The following NKD2 variants were observed in gnomAD, a reference collection of about 807,000 sequenced individuals.
NKD2 encodes the protein protein naked cuticle homolog 2.
Under a neutral mutation model 34.8 loss-of-function variants are expected in NKD2, and 43 were observed. The observed-to-expected ratio is 1.24, with a 90% CI of 0.97 to 1.60. The LOEUF (loss-of-function observed/expected upper bound fraction) is 1.60. Among genes scored for constraint, NKD2 ranks in the 40% most tolerant of loss-of-function variants. The probability of loss-of-function intolerance (pLI) is 0.00; values close to 1 mark genes in which losing one functional copy is unlikely to be tolerated. For missense variants in NKD2, 675 were observed against 627.1 expected, an observed-to-expected ratio of 1.08 and a Z score of -0.82; for synonymous variants, 278 against 265.1, an observed-to-expected ratio of 1.05 and a Z score of -0.47.
intron 3 of NKD2, among the ~76,000 whole-genome samples, chr5:1,029,611 T>C (rs908761259): frequency 3.3e-5 from 5 of 152,234 alleles, no homozygotes; most frequent in Non-Finnish European, 7.3e-5. Flanking sequence ...ACATTTTCAC[T>C]GTATTAGCTT....
At chr5:1,037,661 C>G (rs1406135068) in intron 9 of NKD2, 144 bp from the exon 10 acceptor site, 1 of 1,536,010 alleles carries the variant, frequency 6.5e-7, no homozygotes, top group Non-Finnish European at 8.7e-7. Flanking sequence ...GGGCTGGTGG[C>G]CGTCTGACTG....
intron 9 of NKD2, chr5:1,037,009 ATGGCGG>A (rs1734008363): frequency 3.6e-5 from 12 of 332,004 alleles, no homozygotes; most frequent in Non-Finnish European, 6.2e-5. Flanking sequence ...GGCAGTGTGG[ATGGCGG>A]GCAATGTGGA....
At chr5:1,034,705 G>A (rs371380775) in intron 6 of NKD2, 51 bp from the exon 7 acceptor site, 89 of 1,575,256 alleles carry the variant, frequency 5.6e-5, no homozygotes, top group Non-Finnish European at 7.3e-5. Context: ...GGGAGGGCGG[G>A]TGGTGTCCCC....
chr5:1,037,480 C>A, intron 9 of NKD2: 2 of 1,521,910 alleles, frequency 1.3e-6, no homozygotes, highest in East Asian at 4.9e-5. Context: ...GGGCGCCCTC[C>A]CTGATATAAC....
intron 3 of NKD2, among the ~76,000 whole-genome samples, chr5:1,031,577 CCTT>C (rs1329735284): frequency 2.6e-5 from 4 of 152,236 alleles, no homozygotes; most frequent in Admixed American, 6.5e-5. Flanking sequence ...AGGTCTGTCT[CCTT>C]CTCTGTGTCC....
At chr5:1,034,941 A>G (rs774346669) in intron 7 of NKD2, 38 bp downstream of exon 7, 45 of 1,569,352 alleles carry the variant, frequency 2.9e-5, no homozygotes, top group South Asian at 1.9e-4. Flanking sequence ...GACCCTACCC[A>G]ACATTGGCAG....
At chr5:1,020,608 G>A (rs1223493718) in intron 3 of NKD2, among the ~76,000 whole-genome samples, 1 of 152,066 alleles carries the variant, frequency 6.6e-6, no homozygotes, top group African/African-American at 2.4e-5. Context: ...CCAAGCGTGG[G>A]GAGAGGGAAG....
At chr5:1,034,969 G>T in intron 7 of NKD2, 66 bp downstream of exon 7, 2 of 1,450,066 alleles carry the variant, frequency 1.4e-6, no homozygotes, top group Non-Finnish European at 1.9e-6. Context: ...AGCTGTGTGC[G>T]CGGGACAGGG....
chr5:1,025,798 C>T, intron 3 of NKD2, among the ~76,000 whole-genome samples: 1 of 107,744 alleles, frequency 9.3e-6, no homozygotes, highest in Non-Finnish European at 2.0e-5. Flanking sequence ...GGTGCCCCAG[C>T]CCATTGTCCC....
In NKD2 at chr5:1,009,655, G is replaced by T; in HGVS notation, c.141+95G>T. ...GTTCCTGGTGCCCGCCCGCGGACAG[G>T]CGAGACGTGGGCCGCCATGGCCGCA... On this transcript the variant is annotated intron_variant, in intron 3 of 9. Coordinates refer to ENST00000296849, the MANE Select transcript of NKD2 (RefSeq NM_033120.4). This position sits in a 1 kb window ranked among gnomAD's most constrained non-coding sequence, Gnocchi z 6.9. 9.4e-7 allele frequency: 1 copy of T among 1,069,256 alleles called. No individual in the cohort carries two copies. Among genetic ancestry groups the T allele is most frequent in the Non-Finnish European group, 1.2e-6 (1 of 802,468 alleles). The allele number at this position is 1,069,256 out of a possible 1,614,324, so 66.2% of individuals were successfully genotyped here.
At chr5:1,010,067 G>A (rs1755691385) in intron 3 of NKD2, among the ~76,000 whole-genome samples, 1 of 152,204 alleles carries the variant, frequency 6.6e-6, no homozygotes, top group African/African-American at 2.4e-5. Flanking sequence ...GTGACCACAG[G>A]CCTGCTAGAG....
intron 3 of NKD2, among the ~76,000 whole-genome samples, chr5:1,014,761 G>C (rs537814118): frequency 6.6e-6 from 1 of 152,338 alleles, no homozygotes; most frequent in South Asian, 2.1e-4. Flanking sequence ...CTCCACCCCC[G>C]CTTTGCGGCC....
Position 1,034,871 on chromosome 5 carries a change from G to A in NKD2, c.542G>A (p.Ser181Asn). 6.2e-7 allele frequency: 1 copy of A among 1,612,278 alleles called. No individual in the cohort carries two copies. Among genetic ancestry groups the A allele is most frequent in the Non-Finnish European group, 8.5e-7 (1 of 1,179,662 alleles). Residue 181 changes from serine to asparagine, a missense_variant, in exon 7 of 10, where the codon AGC becomes AAC. Coordinates refer to ENST00000296849, the MANE Select transcript of NKD2 (RefSeq NM_033120.4). ...VKLTVSPEPS[S>N]KRKEGPPAGQ... ...CTAACCGTCAGCCCTGAGCCCTCCA[G>A]CAAGAGGAAGGAGGGTCCTCCTGCT...
intron 3 of NKD2, 118 bp from the exon 4 acceptor site, chr5:1,032,034 C>A: frequency 1.3e-6 from 1 of 754,200 alleles, no homozygotes; most frequent in Non-Finnish European, 2.3e-6. Context: ...GAGATTGAGA[C>A]GCCCCAGGAG....
In NKD2 at chr5:1,033,374, G is replaced by T; in HGVS notation, c.205G>T (p.Ala69Ser). 6.3e-7 allele frequency: 1 copy of T among 1,597,112 alleles called. No individual in the cohort carries two copies. The highest frequency in any genetic ancestry group is 8.5e-7 in the Non-Finnish European group (1 of 1,172,542). Reference protein sequence around the residue: ...FREDQCPLQVALPAEKAEGRE... With the variant: ...FREDQCPLQVSLPAEKAEGRE... ...TTCGCCTCCTCTTGTCCCCCTAGTG[G>T]CACTCCCCGCTGAGAAAGCTGAGGG... Residue 69 changes from alanine (A) to serine (S), a missense_variant and splice_region_variant, in exon 5 of 10, where the codon GCA (alanine) becomes TCA (serine). Transcript: ENST00000296849.
intron 4 of NKD2, 147 bp from the exon 5 acceptor site, chr5:1,033,225 G>T (rs941782366): frequency 2.5e-6 from 2 of 789,080 alleles, no homozygotes; most frequent in South Asian, 4.0e-5. Context: ...CCTCCCCTCC[G>T]CAGGGGTCCC....
chr5:1,030,299 G>A lies in NKD2; in HGVS notation c.142-1853G>A, dbSNP rs556232773. Reference sequence around the variant, plus strand: ...GCATTGGTGGCCTTGGCCCCCCTCCGCAGTGGCAGTGCCTGCATCCCTCAG... The same window carrying A: ...GCATTGGTGGCCTTGGCCCCCCTCCACAGTGGCAGTGCCTGCATCCCTCAG... On this transcript the variant is annotated intron_variant, in intron 3 of 9. Transcript: ENST00000296849. 5.7e-3 allele frequency among the ~76,000 whole-genome samples: 865 copies of A among 151,264 alleles called. 7 individuals are homozygous for A. Among genetic ancestry groups the A allele is most frequent in the Middle Eastern group, 0.014 (4 of 290 alleles).
chr5:1,033,448 A>G lies in NKD2; in HGVS notation c.279A>G (p.Ala93=). Residue 93 remains alanine (A), a synonymous_variant, in exon 5 of 10, where the codon GCA becomes GCG. Coordinates refer to ENST00000296849, the MANE Select transcript of NKD2 (RefSeq NM_033120.4). ...TCAGCGCAGATGACGGAGAGAGGGC[A>G]GCAAACCGCGAGGGCCCGCGAGGAC... ...QLLSADDGER[A]ANREGPRGPG... 6.4e-7 allele frequency: 1 copy of G among 1,569,876 alleles called. No homozygotes were observed. The highest frequency in any genetic ancestry group is 1.2e-5 in the South Asian group (1 of 85,410).
chr5:1,036,508 C>CCCCACCCCA, intron 9 of NKD2, 124 bp downstream of exon 9: 1 of 577,186 alleles, frequency 1.7e-6, no homozygotes, highest in South Asian at 2.1e-5. Context: ...CCCCAACCCC[C>CCCCACCCCA]CCCACCCCAC....
Sources: gnomAD v4.1 joint callset for allele counts (sites outside exome capture counted in the v4.1 genomes callset) on GRCh38, gnomAD v4.1.1 for gene constraint, Gnocchi (gnomAD v3.1) non-coding constraint, MANE v1.5 for transcripts, NCBI Gene and HGNC (gene_info 2026-07-23, HGNC 2026-07-21) for gene names.